IL1RAPL1: variants seen among roughly 807,000 people sequenced by gnomAD.
IL1RAPL1 encodes the protein interleukin 1 receptor accessory protein like 1, also known as interleukin-1 receptor accessory protein-like 1.
IL1RAPL1 carries 3 observed loss-of-function variants against 48.4 expected under a neutral mutation model. The observed-to-expected ratio is 0.06, with a 90% CI of 0.03 to 0.16. IL1RAPL1 has a LOEUF of 0.16. Among genes scored for constraint, IL1RAPL1 ranks in the 10% least tolerant of loss-of-function variants. The pLI is 1.00. For missense variants in IL1RAPL1, 349 were observed against 530.6 expected (o/e 0.66, Z 3.36); for synonymous variants, 185 against 187.7 (o/e 0.99, Z 0.12).
chrX:29,485,417 C>T (rs1406291093), intron 5 of IL1RAPL1, among the ~76,000 whole-genome samples: 2 of 111,618 alleles, frequency 1.8e-5, no homozygotes, highest in Non-Finnish European at 1.9e-5. Flanking sequence ...AGGGATTTTA[C>T]AAACACTAAT....
At chrX:29,069,628 A>AGCACACACAC in intron 2 of IL1RAPL1, among the ~76,000 whole-genome samples, 1 of 83,733 alleles carries the variant, frequency 1.2e-5, no homozygotes. Flanking sequence ...TTTCCTATAG[A>AGCACACACAC]ACACACACAC....
At chrX:29,713,890 A>C (rs1197439481) in intron 6 of IL1RAPL1, among the ~76,000 whole-genome samples, 1 of 112,023 alleles carries the variant, frequency 8.9e-6, no homozygotes, top group Non-Finnish European at 1.9e-5. Context: ...AGTTTTTTTT[A>C]AGTTAAGTTT....
intron 2 of IL1RAPL1, among the ~76,000 whole-genome samples, chrX:29,252,645 A>G (rs2147576606): frequency 9.3e-6 from 1 of 106,979 alleles, no homozygotes; most frequent in African/African-American, 3.4e-5. Context: ...AGTTTTGTAC[A>G]AGGTTGTGGG....
chrX:29,231,388 A>G (rs1295131431), intron 2 of IL1RAPL1, among the ~76,000 whole-genome samples: 1 of 111,831 alleles, frequency 8.9e-6, no homozygotes, highest in Non-Finnish European at 1.9e-5. Context: ...TGAAGCTTGT[A>G]TATTGGTTTT....
intron 2 of IL1RAPL1, among the ~76,000 whole-genome samples, chrX:29,065,152 C>CT (rs59062867): frequency 0.2 from 20,854 of 101,872 alleles, 1,865 homozygotes; most frequent in South Asian, 0.42. Context: ...TGCCTTTATA[C>CT]TTTTTTTTTT....
chrX:29,588,141 C>T (rs185087262), intron 5 of IL1RAPL1, among the ~76,000 whole-genome samples: 1 of 112,418 alleles, frequency 8.9e-6, no homozygotes, highest in East Asian at 2.8e-4. Flanking sequence ...AGATACTGCC[C>T]TAGAGACCTA....
intron 5 of IL1RAPL1, among the ~76,000 whole-genome samples, chrX:29,529,532 G>A (rs751365709): frequency 1.9e-5 from 2 of 106,683 alleles, no homozygotes; most frequent in South Asian, 8.7e-4. Context: ...AACCCGGGAA[G>A]CAGAGGTTGC....
intron 2 of IL1RAPL1, among the ~76,000 whole-genome samples, chrX:28,956,396 G>A (rs1409664646): frequency 9.1e-6 from 1 of 110,084 alleles, no homozygotes. Context: ...TTGGCTGTGG[G>A]TTTGTCATAG....
intron 3 of IL1RAPL1, among the ~76,000 whole-genome samples, chrX:29,301,096 T>G (rs1009325365): frequency 7.2e-5 from 8 of 111,845 alleles, no homozygotes; most frequent in Non-Finnish European, 1.3e-4. Context: ...ACATTTCCCT[T>G]GACAGTTTTT....
chrX:29,086,889 G>T, intron 2 of IL1RAPL1, among the ~76,000 whole-genome samples: 1 of 111,771 alleles, frequency 8.9e-6, no homozygotes, highest in African/African-American at 3.2e-5. Flanking sequence ...CTTGGAACGT[G>T]TGGAAGCTAT....
chrX:29,129,200 C>T (rs750561703), intron 2 of IL1RAPL1, among the ~76,000 whole-genome samples: 1,144 of 109,859 alleles, frequency 0.01, 15 homozygotes, highest in African/African-American at 0.035. Flanking sequence ...TGTGCCACCA[C>T]GCCTGGCTAA....
chrX:29,768,956 A>T (rs1431346445), intron 6 of IL1RAPL1, among the ~76,000 whole-genome samples: 2 of 111,532 alleles, frequency 1.8e-5, no homozygotes, highest in African/African-American at 3.3e-5. Flanking sequence ...TATAATACAC[A>T]TGAGGTCCAA....
intron 5 of IL1RAPL1, among the ~76,000 whole-genome samples, chrX:29,568,327 A>G (rs1169776464): frequency 1.9e-5 from 2 of 105,072 alleles, no homozygotes; most frequent in Non-Finnish European, 3.9e-5. Context: ...ATCAAGAATA[A>G]CAGATTATTC....
At chrX:29,717,714 G>A (rs192879318) in intron 6 of IL1RAPL1, among the ~76,000 whole-genome samples, 6 of 111,958 alleles carry the variant, frequency 5.4e-5, no homozygotes, top group Admixed American at 3.8e-4. Context: ...GCCATGGCAT[G>A]GTTGAGAAGT....
chrX:28,934,143 AG>A (rs1202730266), intron 2 of IL1RAPL1, among the ~76,000 whole-genome samples: 1 of 111,046 alleles, frequency 9.0e-6, no homozygotes. Flanking sequence ...AGTAGGTCTC[AG>A]CCTCATTTTA....
chrX:29,350,191 T>TTATATATATATATATATATATATATATA (rs397897010), intron 3 of IL1RAPL1, among the ~76,000 whole-genome samples: 13 of 39,419 alleles, frequency 3.3e-4, no homozygotes, highest in African/African-American at 1.2e-3. Flanking sequence ...TACTGTTATT[T>TTATATATATATATATATATATATATATA]TATATATATA....
chrX:29,082,278 G>T (rs148803948), intron 2 of IL1RAPL1, among the ~76,000 whole-genome samples: 81 of 112,097 alleles, frequency 7.2e-4, no homozygotes, highest in African/African-American at 2.6e-3. Context: ...ATAACCATTA[G>T]CTTTTGACTT....
chrX:29,162,683 G>A (rs770803705), intron 2 of IL1RAPL1, among the ~76,000 whole-genome samples: 15 of 110,752 alleles, frequency 1.4e-4, no homozygotes, highest in Non-Finnish European at 2.6e-4. Flanking sequence ...TATCGCCCAG[G>A]GAGTAGGAGC....
intron 3 of IL1RAPL1, among the ~76,000 whole-genome samples, chrX:29,379,337 C>T (rs967523380): frequency 5.3e-5 from 6 of 112,275 alleles, no homozygotes; most frequent in African/African-American, 1.9e-4. Flanking sequence ...TACCCTAGTC[C>T]TGCAGGAAAG....
Sources: allele counts gnomAD v4.1 joint callset (sites outside exome capture counted in the v4.1 genomes callset), GRCh38; gene constraint gnomAD v4.1.1; transcripts MANE v1.5; gene names NCBI Gene and HGNC (gene_info 2026-07-23, HGNC 2026-07-21).